CMSS1: variants seen among roughly 807,000 people sequenced by gnomAD.
CMSS1 encodes cms1 ribosomal small subunit homolog.
Under a neutral mutation model 43.5 loss-of-function variants are expected in CMSS1, and 33 were observed. The observed-to-expected ratio is 0.76, with a 90% CI of 0.57 to 1.01. CMSS1 has a LOEUF of 1.01. Ranked by LOEUF, CMSS1 falls within the 50% of genes least tolerant of loss-of-function variation. CMSS1 has a pLI of 0.00. For missense variants in CMSS1, 313 were observed against 326.4 expected (o/e 0.96, Z 0.32); for synonymous variants, 115 against 117.2 (o/e 0.98, Z 0.12).
At chr3:100,121,317 C>T (rs1190981245) in intron 1 of CMSS1, among the ~76,000 whole-genome samples, 5 of 151,202 alleles carry the variant, frequency 3.3e-5, no homozygotes, top group African/African-American at 2.4e-5. Context: ...GTTCAGCTCC[C>T]ACTTATGAGT....
chr3:100,124,809 T>TTGC (rs909027199), intron 1 of CMSS1, among the ~76,000 whole-genome samples: 2 of 152,154 alleles, frequency 1.3e-5, no homozygotes, highest in Admixed American at 6.5e-5. Flanking sequence ...GCAGCAGCAG[T>TTGC]TGCTGCTGCT....
At chr3:99,932,323 C>G (rs1707508417) in intron 1 of CMSS1, among the ~76,000 whole-genome samples, 1 of 151,892 alleles carries the variant, frequency 6.6e-6, no homozygotes. Context: ...TATGTAAATA[C>G]CATATTGAAT....
chr3:99,929,102 C>G (rs1436084513), intron 1 of CMSS1, among the ~76,000 whole-genome samples: 1 of 152,084 alleles, frequency 6.6e-6, no homozygotes, highest in Non-Finnish European at 1.5e-5. Flanking sequence ...TGTTTCTTTT[C>G]TATAAAAATG....
intron 1 of CMSS1, among the ~76,000 whole-genome samples, chr3:100,044,399 A>G (rs1013907859): frequency 1.3e-5 from 2 of 152,222 alleles, no homozygotes; most frequent in African/African-American, 4.8e-5. Flanking sequence ...GGGCAGTGAA[A>G]ACTATTTTTG....
At chr3:100,052,064 CAT>C (rs901386254) in intron 1 of CMSS1, among the ~76,000 whole-genome samples, 4 of 151,996 alleles carry the variant, frequency 2.6e-5, no homozygotes, top group Admixed American at 2.6e-4. Context: ...ATTATTATGT[CAT>C]ATGTGTTATT....
At chr3:100,177,423 T>C (rs1006746061) in intron 9 of CMSS1, among the ~76,000 whole-genome samples, 17 of 152,262 alleles carry the variant, frequency 1.1e-4, no homozygotes, top group Admixed American at 3.9e-4. Flanking sequence ...ACTAATCTAC[T>C]AAGTTTCTAA....
At chr3:100,072,624 A>T (rs2065782012) in intron 1 of CMSS1, among the ~76,000 whole-genome samples, 1 of 152,238 alleles carries the variant, frequency 6.6e-6, no homozygotes, top group Non-Finnish European at 1.5e-5. Context: ...CAGCTGGTAC[A>T]GTCTTCTTTG....
intron 1 of CMSS1, among the ~76,000 whole-genome samples, chr3:99,984,418 T>A (rs1246358241): frequency 6.6e-6 from 1 of 152,206 alleles, no homozygotes; most frequent in East Asian, 1.9e-4. Context: ...CACCAGTTAG[T>A]CTGCATTAGC....
At chr3:99,897,731 C>T (rs1353297985) in intron 1 of CMSS1, among the ~76,000 whole-genome samples, 5 of 152,074 alleles carry the variant, frequency 3.3e-5, no homozygotes, top group Non-Finnish European at 7.4e-5. Flanking sequence ...TTTGTCATAC[C>T]ACTATCTCAT....
intron 1 of CMSS1, chr3:99,850,522 T>C (rs374462158): frequency 3.1e-6 from 5 of 1,613,290 alleles, no homozygotes; most frequent in Non-Finnish European, 2.5e-6. Flanking sequence ...CTCTTCATCT[T>C]TCCCTTCCAT....
chr3:99,826,757 T>G (rs981314040), intron 1 of CMSS1, among the ~76,000 whole-genome samples: 1 of 152,222 alleles, frequency 6.6e-6, no homozygotes, highest in Non-Finnish European at 1.5e-5. Flanking sequence ...AAATCAGATA[T>G]TTGATTCTAA....
chr3:99,961,217 G>A (rs1016332604), intron 1 of CMSS1, among the ~76,000 whole-genome samples: 12 of 152,192 alleles, frequency 7.9e-5, no homozygotes, highest in African/African-American at 2.7e-4. Flanking sequence ...GAGAATGCCC[G>A]AGGGGATCCG....
chr3:99,819,031 TG>T (rs1410965562), intron 1 of CMSS1, among the ~76,000 whole-genome samples: 1 of 152,256 alleles, frequency 6.6e-6, no homozygotes, highest in African/African-American at 2.4e-5. Context: ...CACAGGGCCC[TG>T]CACATGTTAG....
chr3:100,139,508 C>T (rs1158804663), intron 1 of CMSS1, among the ~76,000 whole-genome samples: 1 of 143,984 alleles, frequency 6.9e-6, no homozygotes, highest in Non-Finnish European at 1.5e-5. Context: ...ATGGTGAAAC[C>T]CTGTATCTAC....
intron 1 of CMSS1, among the ~76,000 whole-genome samples, chr3:99,989,289 A>G (rs1709443437): frequency 6.6e-6 from 1 of 152,160 alleles, no homozygotes; most frequent in African/African-American, 2.4e-5. Context: ...CTGCTTTCTC[A>G]GGGGCTCTTG....
At chr3:99,859,603 C>T (rs541080142) in intron 1 of CMSS1, among the ~76,000 whole-genome samples, 66 of 152,226 alleles carry the variant, frequency 4.3e-4, no homozygotes, top group African/African-American at 1.5e-3. Context: ...CTTTGATAGC[C>T]TGATTATGAT....
At chr3:100,042,905 G>A (rs1243050269) in intron 1 of CMSS1, among the ~76,000 whole-genome samples, 1 of 152,206 alleles carries the variant, frequency 6.6e-6, no homozygotes, top group Non-Finnish European at 1.5e-5. Flanking sequence ...GACAACTAGG[G>A]CAAATGTAAC....
chr3:100,139,613 G>A (rs66924330), intron 1 of CMSS1, among the ~76,000 whole-genome samples: 2,649 of 83,582 alleles, frequency 0.032, 52 homozygotes, highest in Non-Finnish European at 0.045. Context: ...ATGTGTGTGT[G>A]TATATATATA....
At chr3:100,055,450 A>G (rs1323902457) in intron 1 of CMSS1, among the ~76,000 whole-genome samples, 1 of 152,192 alleles carries the variant, frequency 6.6e-6, no homozygotes, top group African/African-American at 2.4e-5. Flanking sequence ...ATCACTGTCT[A>G]ATGCTAGAAA....
Sources: gnomAD v4.1 joint callset for allele counts (sites outside exome capture counted in the v4.1 genomes callset) on GRCh38, gnomAD v4.1.1 for gene constraint, MANE v1.5 for transcripts, NCBI Gene and HGNC (gene_info 2026-07-23, HGNC 2026-07-21) for gene names.